Variants in FRMD3 observed in about 807,000 individuals in gnomAD.
FRMD3 encodes FERM domain containing 3.
A neutral mutation model predicts 70.2 loss-of-function variants in FRMD3; 33 were observed. The ratio of observed to expected loss-of-function variants is 0.47; its 90% CI spans 0.36 to 0.63. FRMD3 has a LOEUF of 0.63. FRMD3 is among the 20% of genes least tolerant of loss of function. The pLI is 0.00. For synonymous variants in FRMD3, 279 were observed against 255.9 expected, an observed-to-expected ratio of 1.09 and a Z score of -0.86; for missense variants, 632 against 711.4, an observed-to-expected ratio of 0.89 and a Z score of 1.27.
the FRMD3 span, among the ~76,000 whole-genome samples, chr9:83,551,691 G>C: frequency 6.6e-6 from 1 of 152,150 alleles, no homozygotes; most frequent in Non-Finnish European, 1.5e-5. Flanking sequence ...TTTCTTCCTG[G>C]CTCAGTCTTG....
intron 10 of FRMD3, among the ~76,000 whole-genome samples, chr9:83,300,775 TTTTCC>T (rs1348515129): frequency 5.9e-5 from 9 of 152,330 alleles, no homozygotes; most frequent in Non-Finnish European, 8.8e-5. Flanking sequence ...CACATATTTT[TTTTCC>T]TTTCCTAATA....
At chr9:83,483,914 C>A (rs1828627121) in intron 1 of FRMD3, among the ~76,000 whole-genome samples, 1 of 152,112 alleles carries the variant, frequency 6.6e-6, no homozygotes, top group Non-Finnish European at 1.5e-5. Context: ...TGTTCTGAGC[C>A]TGTACTCTTC....
intron 3 of FRMD3, among the ~76,000 whole-genome samples, chr9:83,368,295 C>T (rs1049488770): frequency 6.6e-6 from 1 of 151,430 alleles, no homozygotes; most frequent in Admixed American, 6.6e-5. Flanking sequence ...AAAATCAAGT[C>T]AATTTTACCA....
At chr9:83,529,472 T>A (rs1829750536) in intron 1 of FRMD3, among the ~76,000 whole-genome samples, 1 of 152,332 alleles carries the variant, frequency 6.6e-6, no homozygotes, top group Admixed American at 6.5e-5. Flanking sequence ...TTTAAAATGA[T>A]GAATTTTATG....
At chr9:83,401,569 C>A (rs889748854) in intron 1 of FRMD3, among the ~76,000 whole-genome samples, 1 of 152,172 alleles carries the variant, frequency 6.6e-6, no homozygotes, top group Non-Finnish European at 1.5e-5. Flanking sequence ...GAGTTAACAC[C>A]ACAGAGGTTT....
chr9:83,447,003 GTTT>G, intron 1 of FRMD3, among the ~76,000 whole-genome samples: 1 of 81,196 alleles, frequency 1.2e-5, no homozygotes, highest in Non-Finnish European at 2.4e-5. Flanking sequence ...GTTTTGTTTT[GTTT>G]TGTTTTGTTT....
the FRMD3 span, among the ~76,000 whole-genome samples, chr9:83,551,664 TC>T: frequency 8.1e-3 from 1,232 of 152,248 alleles, 22 homozygotes; most frequent in African/African-American, 0.028. Context: ...TTGTTATTGG[TC>T]TATTCAGGGA....
At chr9:83,437,155 C>T (rs1383324700) in intron 1 of FRMD3, among the ~76,000 whole-genome samples, 1 of 152,146 alleles carries the variant, frequency 6.6e-6, no homozygotes, top group Non-Finnish European at 1.5e-5. Context: ...GAGGCAAACT[C>T]GGCTTGACTT....
At chr9:83,276,499 C>G (rs998634733) in intron 13 of FRMD3, 1 of 152,170 alleles carries the variant, frequency 6.6e-6, no homozygotes, top group African/African-American at 2.4e-5. Flanking sequence ...TGTGGAAAAA[C>G]CCAGGCTCTT....
chr9:83,290,621 C>G lies in FRMD3; in HGVS notation c.1177G>C (p.Glu393Gln). 2 of 1,613,912 alleles carry G rather than the reference C, an allele frequency of 1.2e-6. No individual in the cohort carries two copies. ...GACTTACCCTCACCCAGAGGAAGTTCTTCTTCTTGCTCGCTGGGGGAAGGA... is the reference window on the plus strand; with the variant it reads ...GACTTACCCTCACCCAGAGGAAGTTGTTCTTCTTGCTCGCTGGGGGAAGGA... The part of the protein sequence containing the change: ...LLPSPSEQEE[E>Q]LPLGEGVPLP... Residue 393 changes from glutamate (E) to glutamine (Q), a missense_variant, in exon 13 of 14, where the codon GAA becomes CAA. Glu to Gln is a conservative substitution (Grantham distance 29). Transcript: ENST00000304195.
chr9:83,555,070 T>A, the FRMD3 span, among the ~76,000 whole-genome samples: 1 of 152,154 alleles, frequency 6.6e-6, no homozygotes, highest in East Asian at 1.9e-4. Flanking sequence ...AGACCCCAGT[T>A]AAGAGGTCCC....
chr9:83,389,866 C>G (rs1825617464), intron 1 of FRMD3, among the ~76,000 whole-genome samples, 158 bp from the exon 2 acceptor site: 1 of 152,090 alleles, frequency 6.6e-6, no homozygotes, highest in Middle Eastern at 3.2e-3. Flanking sequence ...AACCACAAAT[C>G]CTCAATGATA....
At chr9:83,366,936 G>A (rs1037722568) in intron 3 of FRMD3, among the ~76,000 whole-genome samples, 1 of 152,044 alleles carries the variant, frequency 6.6e-6, no homozygotes, top group Non-Finnish European at 1.5e-5. Context: ...AGGAGGCTGA[G>A]GCACAAGAAT....
chr9:83,373,258 T>C (rs1268651528), intron 2 of FRMD3, among the ~76,000 whole-genome samples: 3 of 152,232 alleles, frequency 2.0e-5, no homozygotes, highest in East Asian at 1.9e-4. Context: ...GACTCCTAGG[T>C]GATTCTTTGA....
intron 13 of FRMD3, among the ~76,000 whole-genome samples, chr9:83,263,808 A>G (rs1417557290): frequency 6.6e-6 from 1 of 152,248 alleles, no homozygotes; most frequent in Admixed American, 6.5e-5. Flanking sequence ...TATCATTCAA[A>G]ATAGCCAAAT....
At chr9:83,379,794 C>T (rs1485150126) in intron 2 of FRMD3, among the ~76,000 whole-genome samples, 1 of 152,188 alleles carries the variant, frequency 6.6e-6, no homozygotes, top group East Asian at 1.9e-4. Flanking sequence ...TAACTAATGA[C>T]TATCAGATGT....
chr9:83,556,167 C>G, the FRMD3 span, among the ~76,000 whole-genome samples: 2 of 152,002 alleles, frequency 1.3e-5, no homozygotes, highest in Admixed American at 1.3e-4. Context: ...TTTCTTTGTT[C>G]CCTCTCCACT....
chr9:83,557,761 A>G, the FRMD3 span, among the ~76,000 whole-genome samples: 1 of 152,214 alleles, frequency 6.6e-6, no homozygotes, highest in Non-Finnish European at 1.5e-5. Context: ...GAAAAACGAA[A>G]AGAAATATGA....
At chr9:83,332,605 T>G (rs1361895854) in intron 6 of FRMD3, among the ~76,000 whole-genome samples, 1 of 152,186 alleles carries the variant, frequency 6.6e-6, no homozygotes, top group Non-Finnish European at 1.5e-5. Flanking sequence ...GGGAGAAGGT[T>G]GTGAAACCAC....
Sources: allele counts gnomAD v4.1 joint callset (sites outside exome capture counted in the v4.1 genomes callset), GRCh38; gene constraint gnomAD v4.1.1; transcripts MANE v1.5; gene names NCBI Gene and HGNC (gene_info 2026-07-23, HGNC 2026-07-21).